LARP1B: variants seen among roughly 807,000 people sequenced by gnomAD.
LARP1B encodes the protein La ribonucleoprotein 1B, also known as la-related protein 1B.
A neutral mutation model predicts 114.2 loss-of-function variants in LARP1B; 76 were observed. That is an observed-to-expected ratio of 0.67 (90% CI 0.55 to 0.81). LARP1B has a LOEUF of 0.81. Among genes scored for constraint, LARP1B ranks in the 30% least tolerant of loss-of-function variants. The pLI, the probability that LARP1B is intolerant of heterozygous loss-of-function variation, is 0.00. For synonymous variants in LARP1B, 345 were observed against 348.0 expected (o/e 0.99, Z 0.10); for missense variants, 1,014 against 1,075.8 (o/e 0.94, Z 0.80).
chr4:128,147,867 G>A (rs1425886808), intron 11 of LARP1B, among the ~76,000 whole-genome samples: 2 of 152,110 alleles, frequency 1.3e-5, no homozygotes, highest in Admixed American at 1.3e-4. Context: ...AAGCACGAAT[G>A]TGTTTATTAA....
chr4:128,103,762 A>G (rs1272188669), intron 8 of LARP1B, among the ~76,000 whole-genome samples: 1 of 151,842 alleles, frequency 6.6e-6, no homozygotes. Context: ...GGTTTTTGCC[A>G]TGTTGGCCAG....
intron 1 of LARP1B, among the ~76,000 whole-genome samples, chr4:128,071,107 C>T (rs568353167): frequency 1.3e-5 from 2 of 151,764 alleles, no homozygotes; most frequent in Non-Finnish European, 2.9e-5. Flanking sequence ...AGTGCAGTGG[C>T]GTGATCTTGG....
chr4:128,163,124 T>C (rs780031553), intron 12 of LARP1B, among the ~76,000 whole-genome samples: 7 of 152,262 alleles, frequency 4.6e-5, no homozygotes, highest in Admixed American at 2.0e-4. Context: ...TCAAATAGAT[T>C]GCAATAGATT....
rs528468032 is a variant in LARP1B, at chr4:128,188,160, C to T, written c.2003+8648C>T. Among the ~76,000 whole-genome samples the T allele has an allele frequency of 3.1e-3, 466 of 152,006 alleles. 4 individuals are homozygous for T. Among genetic ancestry groups the T allele is most frequent in the African/African-American group, 0.011 (439 of 41,468 alleles). On this transcript the variant is annotated intron_variant, in intron 15 of 19. Coordinates refer to ENST00000326639, the MANE Select transcript of LARP1B (RefSeq NM_018078.4). The stretch of plus-strand genomic sequence containing the variant: ...TGTGATTTCAGCTCACTGCAACCTC[C>T]GCCTCCCGGGTTCAAGTGATTCTCC...
At chr4:128,084,627 GA>G (rs1357590633) in intron 5 of LARP1B, among the ~76,000 whole-genome samples, 2 of 151,946 alleles carry the variant, frequency 1.3e-5, no homozygotes, top group African/African-American at 4.8e-5. Flanking sequence ...GGAGAGGGGA[GA>G]GGGGAGGGGG....
intron 1 of LARP1B, among the ~76,000 whole-genome samples, chr4:128,073,063 A>C (rs1267689554): frequency 6.6e-6 from 1 of 152,142 alleles, no homozygotes; most frequent in Non-Finnish European, 1.5e-5. Context: ...TTTCCTGAAA[A>C]TGGAATTCTT....
At chr4:128,105,165 G>A (rs1022251762) in intron 8 of LARP1B, among the ~76,000 whole-genome samples, 9 of 151,764 alleles carry the variant, frequency 5.9e-5, no homozygotes, top group Non-Finnish European at 8.8e-5. Flanking sequence ...TTAAACATAA[G>A]CATTACCCCA....
At chr4:128,073,129 CT>C (rs1465889577) in intron 1 of LARP1B, among the ~76,000 whole-genome samples, 1 of 151,878 alleles carries the variant, frequency 6.6e-6, no homozygotes, top group Non-Finnish European at 1.5e-5. Flanking sequence ...GATATACTAC[CT>C]TGGCTGGGCG....
At chr4:128,150,112 C>G (rs1732058877) in intron 11 of LARP1B, among the ~76,000 whole-genome samples, 1 of 152,144 alleles carries the variant, frequency 6.6e-6, no homozygotes, top group South Asian at 2.1e-4. Flanking sequence ...GATCGTGCCA[C>G]TGCACTCCAG....
intron 1 of LARP1B, among the ~76,000 whole-genome samples, chr4:128,063,219 G>A (rs1294146236): frequency 6.6e-6 from 1 of 151,314 alleles, no homozygotes; most frequent in African/African-American, 2.4e-5. Flanking sequence ...CTGAGGTGAG[G>A]AGTTCGAGAC....
At chr4:128,094,784 T>C (rs560815966) in intron 7 of LARP1B, among the ~76,000 whole-genome samples, 10 of 152,072 alleles carry the variant, frequency 6.6e-5, no homozygotes, top group African/African-American at 2.4e-4. Flanking sequence ...GGAGTTTTGC[T>C]GTTGTCACCC....
intron 12 of LARP1B, among the ~76,000 whole-genome samples, chr4:128,172,322 T>A (rs1480781412): frequency 6.6e-6 from 1 of 152,194 alleles, no homozygotes; most frequent in Non-Finnish European, 1.5e-5. Context: ...ACTGGATTTT[T>A]AAAATATGTG....
intron 1 of LARP1B, chr4:128,069,504 G>T: frequency 1.3e-6 from 1 of 750,790 alleles, no homozygotes; most frequent in Non-Finnish European, 2.4e-6. Flanking sequence ...AAGCCAGATG[G>T]GGTGGGGAGC....
rs1043492457 is a variant in LARP1B at position 128,079,612 on chromosome 4, G to A, written c.217+1650G>A. 4.6e-5 allele frequency among the ~76,000 whole-genome samples: 7 copies of A among 152,124 alleles called. No individual in the cohort carries two copies. The South Asian group carries it at 8.3e-4, about 18-fold the overall frequency. On this transcript the variant is annotated intron_variant, in intron 4 of 19. Transcript: ENST00000326639. ...AGGGTCTTGCTCTGTCACCCAGGCT[G>A]GAGTTCAGTGGCATGCTCGTGGCCC...
chr4:128,093,109 G>A, intron 7 of LARP1B: 3 of 912,326 alleles, frequency 3.3e-6, no homozygotes, highest in Non-Finnish European at 3.9e-6. Context: ...TTTTGTTGTT[G>A]TTCTAGCAGT....
intron 13 of LARP1B, 139 bp downstream of exon 13, chr4:128,177,046 G>A (rs1164677607): frequency 5.2e-6 from 4 of 766,100 alleles, no homozygotes; most frequent in Admixed American, 2.4e-5. Context: ...TGACAGTTTG[G>A]TGCTATTTGT....
At chr4:128,096,283 G>A (rs144963182) in intron 7 of LARP1B, among the ~76,000 whole-genome samples, 3,894 of 152,078 alleles carry the variant, frequency 0.026, 185 homozygotes, top group African/African-American at 0.088. Context: ...GTGAGCCACC[G>A]CGCCCGGCCT....
At chr4:128,179,965 AT>A (rs993294524) in intron 15 of LARP1B, among the ~76,000 whole-genome samples, 22 of 151,726 alleles carry the variant, frequency 1.4e-4, no homozygotes, top group Middle Eastern at 3.4e-3. Context: ...ATTAGCAGGA[AT>A]TTTTTTTTAT....
rs578136376 is a variant in LARP1B at position 128,210,738 on chromosome 4, AGTT to A, written c.*691_*693del. 4.7e-4 allele frequency: 466 copies of A among 985,306 alleles called. No individual in the cohort carries two copies. In the African/African-American group the frequency reaches 7.0e-3, roughly 15 times the overall value. 61.0% of individuals were successfully genotyped at this position (985,306 alleles called of 1,614,324 possible). A position where few individuals can be genotyped will look rare whatever the true frequency, so the allele number is the denominator to read the frequency against. On this transcript the variant is annotated 3_prime_UTR_variant, in exon 20 of 20. Coordinates refer to ENST00000326639, the MANE Select transcript of LARP1B (RefSeq NM_018078.4). ...CCCAGTCATATCTCATGATTTCCAC[AGTT>A]GTTGTATTGGTGTGGAGTTTTCTGA...
Sources: gnomAD v4.1 joint callset for allele counts (sites outside exome capture counted in the v4.1 genomes callset) on GRCh38, gnomAD v4.1.1 for gene constraint, MANE v1.5 for transcripts, NCBI Gene and HGNC (gene_info 2026-07-23, HGNC 2026-07-21) for gene names.